ANKS1B: variants seen among roughly 807,000 people sequenced by gnomAD.
The protein encoded by ANKS1B is ankyrin repeat and sterile alpha motif domain-containing protein 1B.
A neutral mutation model predicts 148.3 loss-of-function variants in ANKS1B; 36 were observed. The observed-to-expected ratio is 0.24, with a 90% CI of 0.19 to 0.32. The LOEUF is 0.32. Among genes scored for constraint, ANKS1B ranks in the 10% least tolerant of loss-of-function variants. ANKS1B has a pLI of 1.00. For missense variants in ANKS1B, 1,157 were observed against 1,542.6 expected (o/e 0.75, Z 4.19); for synonymous variants, 542 against 560.8 (o/e 0.97, Z 0.47).
At chr12:99,230,322 C>T (rs1280022878) in intron 14 of ANKS1B, among the ~76,000 whole-genome samples, 7 of 152,056 alleles carry the variant, frequency 4.6e-5, no homozygotes, top group Non-Finnish European at 1.0e-4. Flanking sequence ...AGCTTATCAT[C>T]ATGGGAAGTA....
chr12:98,904,090 T>G (rs1039926930), intron 17 of ANKS1B, among the ~76,000 whole-genome samples: 11 of 151,734 alleles, frequency 7.2e-5, no homozygotes, highest in African/African-American at 2.7e-4. Flanking sequence ...TAAATTAAAT[T>G]AATAAAAATT....
chr12:99,571,174 T>C (rs1327354491), intron 9 of ANKS1B, among the ~76,000 whole-genome samples: 2 of 152,128 alleles, frequency 1.3e-5, no homozygotes, highest in African/African-American at 4.8e-5. Context: ...TAGATGTCTT[T>C]TTTGATAACA....
intron 17 of ANKS1B, among the ~76,000 whole-genome samples, chr12:99,043,134 AT>A (rs202207062): frequency 6.6e-6 from 1 of 152,174 alleles, no homozygotes; most frequent in East Asian, 1.9e-4. Context: ...TCTATGCAGT[AT>A]TTTTTTAAAA....
At chr12:99,087,757 C>T (rs1362465142) in intron 15 of ANKS1B, among the ~76,000 whole-genome samples, 6 of 152,156 alleles carry the variant, frequency 3.9e-5, no homozygotes, top group Non-Finnish European at 5.9e-5. Context: ...GAATAGAGGA[C>T]CTGGTTTTTT....
chr12:99,009,333 C>A (rs898529688), intron 17 of ANKS1B, among the ~76,000 whole-genome samples: 3 of 152,144 alleles, frequency 2.0e-5, no homozygotes, highest in Non-Finnish European at 2.9e-5. Context: ...ATTTCTGATA[C>A]CTGAATCTTT....
chr12:99,539,637 C>T (rs955198991), intron 9 of ANKS1B, among the ~76,000 whole-genome samples: 1 of 152,122 alleles, frequency 6.6e-6, no homozygotes, highest in African/African-American at 2.4e-5. Context: ...GGCATAAATA[C>T]TACCTTATCA....
chr12:99,599,415 A>G (rs1200672574), intron 9 of ANKS1B, among the ~76,000 whole-genome samples: 1 of 152,096 alleles, frequency 6.6e-6, no homozygotes. Flanking sequence ...TAGATTGGCT[A>G]CAGACATGTT....
intron 10 of ANKS1B, among the ~76,000 whole-genome samples, chr12:99,454,527 T>C (rs977910968): frequency 5.3e-5 from 8 of 152,162 alleles, no homozygotes; most frequent in African/African-American, 9.7e-5. Context: ...AATTCAAACA[T>C]AAAAAGCAGT....
chr12:98,838,250 C>A (rs151028995), intron 17 of ANKS1B, among the ~76,000 whole-genome samples: 1 of 152,300 alleles, frequency 6.6e-6, no homozygotes, highest in East Asian at 1.9e-4. Context: ...TATCATCCTA[C>A]AATTTCCGTT....
intron 4 of ANKS1B, among the ~76,000 whole-genome samples, chr12:99,805,262 G>GAAAAAAAAAAAAAAAA (rs1567880890): frequency 4.8e-4 from 4 of 8,308 alleles, no homozygotes; most frequent in Admixed American, 1.8e-3. Flanking sequence ...GGAGGAAAAG[G>GAAAAAAAAAAAAAAAA]CAAAAAAAAA....
At chr12:98,985,481 T>C (rs2099922747) in intron 17 of ANKS1B, among the ~76,000 whole-genome samples, 1 of 152,206 alleles carries the variant, frequency 6.6e-6, no homozygotes, top group Admixed American at 6.5e-5. Flanking sequence ...AGTATTTTTA[T>C]GATTACATTT....
chr12:99,544,392 C>CCGGG (rs1277491081), intron 9 of ANKS1B, among the ~76,000 whole-genome samples: 1 of 152,104 alleles, frequency 6.6e-6, no homozygotes, highest in Non-Finnish European at 1.5e-5. Flanking sequence ...CAGTCCCTAC[C>CCGGG]CGGACTCTGG....
intron 6 of ANKS1B, 77 bp from the exon 7 acceptor site, chr12:99,775,738 G>A: frequency 1.2e-6 from 1 of 837,226 alleles, no homozygotes; most frequent in African/African-American, 1.7e-5. Context: ...TTTTACTTCT[G>A]GTAATCAGTT....
In ANKS1B at chr12:99,782,083, A is replaced by G. The variant is rs748418507; in HGVS notation, c.684T>C (p.Ser228=). ...MDVSCQTEKG[S]ALHEAALFGK... ...CAAACAAAGCTGCTTCATGAAGTGC[A>G]CTCCCCTTTTCTGTCTGGAAAAAAA... Residue 228 remains serine (S), a synonymous_variant, in exon 5 of 27, where the codon AGT becomes AGC. Coordinates refer to ENST00000683438, the MANE Select transcript of ANKS1B (RefSeq NM_001352186.2). 8.7e-6 allele frequency: 14 copies of G among 1,601,912 alleles called. No homozygotes were observed. Among genetic ancestry groups the G allele is most frequent in the Non-Finnish European group, 1.2e-5 (14 of 1,174,822 alleles).
chr12:98,824,730 A>T (rs1279965844), intron 19 of ANKS1B, among the ~76,000 whole-genome samples: 1 of 152,222 alleles, frequency 6.6e-6, no homozygotes, highest in Non-Finnish European at 1.5e-5. Flanking sequence ...TTGTTTGTAG[A>T]CAGAGTTAAC....
At chr12:98,895,069 T>A in intron 17 of ANKS1B, 1 of 958,144 alleles carries the variant, frequency 1.0e-6, no homozygotes, top group South Asian at 4.7e-5. Flanking sequence ...GTTCCGCGGC[T>A]GCTGCCCGGG....
chr12:99,123,013 T>TAA (rs1555271816), intron 15 of ANKS1B, among the ~76,000 whole-genome samples: 6 of 145,698 alleles, frequency 4.1e-5, no homozygotes, highest in African/African-American at 7.6e-5. Flanking sequence ...TATATATATA[T>TAA]AAACATGTAT....
intron 16 of ANKS1B, among the ~76,000 whole-genome samples, chr12:99,066,302 C>A (rs1053391395): frequency 1.6e-4 from 25 of 151,888 alleles, no homozygotes; most frequent in African/African-American, 6.0e-4. Flanking sequence ...GCCTGGGTGA[C>A]AAAGCAAAAC....
chr12:99,743,462 G>A (rs1337278133), intron 8 of ANKS1B, among the ~76,000 whole-genome samples: 1 of 152,100 alleles, frequency 6.6e-6, no homozygotes, highest in Non-Finnish European at 1.5e-5. Flanking sequence ...ATTTTGGAAT[G>A]GCAAGTCATC....
Sources: gnomAD v4.1 joint callset for allele counts (sites outside exome capture counted in the v4.1 genomes callset) on GRCh38, gnomAD v4.1.1 for gene constraint, MANE v1.5 for transcripts, NCBI Gene and HGNC (gene_info 2026-07-23, HGNC 2026-07-21) for gene names.